The following EPC1 variants were observed in gnomAD, a reference collection of about 807,000 sequenced individuals.
The protein encoded by EPC1 is enhancer of polycomb 1.
EPC1 carries 12 observed loss-of-function variants against 98.4 expected under a neutral mutation model. The ratio of observed to expected loss-of-function variants is 0.12; its 90% CI spans 0.08 to 0.20. EPC1 has a LOEUF of 0.20. Ranked by LOEUF, EPC1 falls within the 10% of genes least tolerant of loss-of-function variation. The pLI is 1.00. For synonymous variants in EPC1, 357 were observed against 363.9 expected (o/e 0.98, Z 0.21); for missense variants, 729 against 990.5 (o/e 0.74, Z 3.54).
At chr10:32,362,216 G>A (rs1242723154) in intron 1 of EPC1, among the ~76,000 whole-genome samples, 3 of 151,998 alleles carry the variant, frequency 2.0e-5, no homozygotes, top group South Asian at 4.2e-4. Flanking sequence ...CCTCTCTTGG[G>A]GCCTGGATGG....
At chr10:32,327,652 T>C (rs1299838442) in intron 1 of EPC1, among the ~76,000 whole-genome samples, 1 of 152,196 alleles carries the variant, frequency 6.6e-6, no homozygotes, top group African/African-American at 2.4e-5. Context: ...AGATTTTACT[T>C]AAAACTTAGA....
At chr10:32,322,931 C>T (rs1484509843) in intron 1 of EPC1, among the ~76,000 whole-genome samples, 2 of 151,886 alleles carry the variant, frequency 1.3e-5, no homozygotes, top group Admixed American at 1.3e-4. Flanking sequence ...ATAAAGAGAC[C>T]ATTTTTTTTA....
At chr10:32,352,021 C>G (rs1369139704), upstream of EPC1, among the ~76,000 whole-genome samples, 1 of 147,664 alleles carries the variant, frequency 6.8e-6, no homozygotes, top group Non-Finnish European at 1.5e-5. Flanking sequence ...CAGGCATGAA[C>G]CATCGTGCCC....
intron 1 of EPC1, among the ~76,000 whole-genome samples, chr10:32,330,625 C>G (rs375406451): frequency 6.6e-6 from 1 of 152,092 alleles, no homozygotes; most frequent in Admixed American, 6.6e-5. Flanking sequence ...GTGAAAAATC[C>G]TGGATCCAAA....
intron 2 of EPC1, among the ~76,000 whole-genome samples, chr10:32,302,062 A>C (rs560542351): frequency 1.3e-5 from 2 of 150,654 alleles, no homozygotes; most frequent in East Asian, 4.0e-4. Context: ...TCACGAGGTC[A>C]GGAGATCGAG....
chr10:32,277,016 T>C (rs1348034043), intron 10 of EPC1, among the ~76,000 whole-genome samples: 1 of 152,150 alleles, frequency 6.6e-6, no homozygotes, highest in Non-Finnish European at 1.5e-5. Context: ...CAACCTCATC[T>C]AGAGATGAAG....
upstream of EPC1, among the ~76,000 whole-genome samples, chr10:32,349,503 T>A (rs1839049233): frequency 6.6e-6 from 1 of 152,212 alleles, no homozygotes. Flanking sequence ...TGCTGTGGAT[T>A]TCCAACTCTC....
chr10:32,278,379 T>G lies in EPC1; in HGVS notation c.1745-5098A>C, dbSNP rs1003921297. On this transcript the variant is annotated intron_variant, in intron 10 of 13. Transcript: ENST00000319778. ...TACTTTGGTTTTTTTTTGTTTTTTTTTTTTTGTTTTTTTTTTTTTTGAGAC... is the reference window on the plus strand; with the variant it reads ...TACTTTGGTTTTTTTTTGTTTTTTTGTTTTTGTTTTTTTTTTTTTTGAGAC... Among the ~76,000 whole-genome samples the G allele has an allele frequency of 4.9e-5, 7 of 142,466 alleles. No homozygotes were observed. In the South Asian group the frequency reaches 1.1e-3, roughly 23 times the overall value. The allele number at this position is 142,466 out of a possible 152,430, so 93.5% of individuals were successfully genotyped here.
chr10:32,299,571 T>C (rs28629173), intron 2 of EPC1, among the ~76,000 whole-genome samples: 44 of 96,640 alleles, frequency 4.6e-4, no homozygotes, highest in Admixed American at 3.8e-3. Flanking sequence ...TCATTATTAT[T>C]ATTATTAGCA....
At chr10:32,319,843 A>AT (rs1219389970) in intron 1 of EPC1, among the ~76,000 whole-genome samples, 1 of 151,886 alleles carries the variant, frequency 6.6e-6, no homozygotes, top group Non-Finnish European at 1.5e-5. Flanking sequence ...AACCTGGCTA[A>AT]TTTTTTTGTA....
intron 1 of EPC1, among the ~76,000 whole-genome samples, chr10:32,309,200 A>C (rs1258211994): frequency 6.6e-6 from 1 of 152,182 alleles, no homozygotes; most frequent in Non-Finnish European, 1.5e-5. Context: ...ATAAGATTTG[A>C]ACAGTATTTG....
rs55769539 is a variant in EPC1, at chr10:32,365,819, CAAAAAAAAAAAAA to C, written c.3+12659_3+12671del. 2.5e-3 allele frequency among the ~76,000 whole-genome samples: 97 copies of C among 38,436 alleles called. 3 individuals carry two copies. The highest frequency in any genetic ancestry group is 0.01 in the East Asian group (10 of 1,000). The allele number at this position is 38,436 out of a possible 152,430, so 25.2% of individuals were successfully genotyped here. A position where few individuals can be genotyped will look rare whatever the true frequency, so the allele number is the denominator to read the frequency against. On this transcript the variant is annotated intron_variant, in intron 1 of 13. Transcript: ENST00000375110. ...GGGCAACAGAGAGAGCTCCGTCTCA[CAAAAAAAAAAAAA>C]AAAAAAAAAAAAAAAAAAAGGACAG...
intron 1 of EPC1, among the ~76,000 whole-genome samples, chr10:32,311,179 G>A (rs1390414398): frequency 1.3e-5 from 2 of 152,040 alleles, no homozygotes; most frequent in Non-Finnish European, 2.9e-5. Flanking sequence ...CGGGTGTGGT[G>A]GTGGGCGCCT....
intron 1 of EPC1, among the ~76,000 whole-genome samples, chr10:32,372,154 T>G (rs1023151185): frequency 2.0e-5 from 3 of 152,188 alleles, no homozygotes; most frequent in African/African-American, 7.2e-5. Context: ...CATCTCATCA[T>G]CTGGGAACTA....
In EPC1 at chr10:32,305,940, A is replaced by G; in HGVS notation, c.154-9T>C. On this transcript the variant is annotated splice_polypyrimidine_tract_variant and intron_variant, in intron 1 of 13. Transcript: ENST00000319778. ...CGCTGAAGATGATGTTCCTAAAAAGAAGAAAAAACAGGTAAGTTCATGTAT... is the reference window on the plus strand; with the variant it reads ...CGCTGAAGATGATGTTCCTAAAAAGGAGAAAAAACAGGTAAGTTCATGTAT... 1 of 1,593,438 alleles carries G rather than the reference A, an allele frequency of 6.3e-7. No individual in the cohort carries two copies. The highest frequency in any genetic ancestry group is 8.5e-7 in the Non-Finnish European group (1 of 1,173,376).
intron 1 of EPC1, among the ~76,000 whole-genome samples, chr10:32,338,521 T>C (rs1450012639): frequency 6.6e-6 from 1 of 152,156 alleles, no homozygotes; most frequent in African/African-American, 2.4e-5. Context: ...AGCCTAACAA[T>C]CCCTTCCTGA....
At chr10:32,336,532 G>A (rs1467805665) in intron 1 of EPC1, among the ~76,000 whole-genome samples, 1 of 152,036 alleles carries the variant, frequency 6.6e-6, no homozygotes, top group Non-Finnish European at 1.5e-5. Flanking sequence ...CACAAATATT[G>A]AGCCCTCAGC....
At chr10:32,292,465 C>A (rs761893772) in intron 5 of EPC1, 31 bp downstream of exon 5, 3 of 1,468,314 alleles carry the variant, frequency 2.0e-6, no homozygotes, top group South Asian at 2.6e-5. Context: ...TGGCACTATA[C>A]TTCCTCTAAC....
intron 3 of EPC1, 90 bp from the exon 4 acceptor site, chr10:32,293,284 A>T: frequency 1.0e-6 from 1 of 1,004,636 alleles, no homozygotes; most frequent in Non-Finnish European, 1.4e-6. Flanking sequence ...AATAATCAAT[A>T]TTACAACATT....
Sources: allele counts gnomAD v4.1 joint callset (sites outside exome capture counted in the v4.1 genomes callset), GRCh38; gene constraint gnomAD v4.1.1; transcripts MANE v1.5; gene names NCBI Gene and HGNC (gene_info 2026-07-23, HGNC 2026-07-21).